CTDSP2: variants seen among roughly 807,000 people sequenced by gnomAD.
CTDSP2 encodes carboxy-terminal domain RNA polymerase II polypeptide A small phosphatase 2.
Under a neutral mutation model 31.6 loss-of-function variants are expected in CTDSP2, and 9 were observed. That is an observed-to-expected ratio of 0.28 (90% CI 0.17 to 0.50). CTDSP2 has a LOEUF of 0.50. Ranked by LOEUF, CTDSP2 falls within the 20% of genes least tolerant of loss-of-function variation. The pLI, the probability that CTDSP2 is intolerant of heterozygous loss-of-function variation, is 0.98. For missense variants in CTDSP2, 267 were observed against 348.5 expected (o/e 0.77, Z 1.86); for synonymous variants, 134 against 134.5 (o/e 1.00, Z 0.03).
chr12:57,839,506 CAGG>C (rs1432510340), intron 1 of CTDSP2, among the ~76,000 whole-genome samples: 1 of 152,152 alleles, frequency 6.6e-6, no homozygotes, highest in African/African-American at 2.4e-5. Flanking sequence ...ATCATGAGGT[CAGG>C]AGATCAAGAC....
At chr12:57,823,786 C>T in intron 7 of CTDSP2, 59 bp from the exon 8 acceptor site, 2 of 1,611,722 alleles carry the variant, frequency 1.2e-6, no homozygotes, top group South Asian at 2.2e-5. Flanking sequence ...TCCCTCGCCC[C>T]AGAGCCCTAG....
Position 57,832,790 on chromosome 12 carries a change from TAAAAAAAAAAAAAA to T in CTDSP2, c.65-3208_65-3195del, listed in dbSNP as rs61390174. Among the ~76,000 whole-genome samples, 10 of 44,898 alleles carry T rather than the reference TAAAAAAAAAAAAAA, an allele frequency of 2.2e-4. No individual in the cohort carries two copies. In the East Asian group the frequency reaches 4.6e-3, roughly 21 times the overall value. The allele number at this position is 44,898 out of a possible 152,430, so 29.5% of individuals were successfully genotyped here. On this transcript the variant is annotated intron_variant, in intron 1 of 7. Coordinates refer to ENST00000398073, the MANE Select transcript of CTDSP2 (RefSeq NM_005730.4). ...CTGGGCAACAGAGCGAGACTCTGGC[TAAAAAAAAAAAAAA>T]AAAAAAAAAAAAAAGGAAAAGAAAA... is the stretch of plus-strand genomic sequence containing the variant.
At position 57,823,408 on chromosome 12, in the gene CTDSP2, G is replaced by A; in HGVS notation, c.*194C>T. On this transcript the variant is annotated 3_prime_UTR_variant, in exon 8 of 8. Transcript: ENST00000398073. ...ACACATCTCAACAAGTTGGCGGCAG[G>A]TAGCTCTGGGTATCATTGGTCTGGC... is the stretch of plus-strand genomic sequence containing the variant. The A allele has an allele frequency of 1.6e-6, 1 of 612,794 alleles. No individual in the cohort carries two copies. The highest frequency in any genetic ancestry group is 2.9e-6 in the Non-Finnish European group (1 of 349,918). The allele number at this position is 612,794 out of a possible 1,614,324, so 38.0% of individuals were successfully genotyped here. A position where few individuals can be genotyped will look rare whatever the true frequency, so the allele number is the denominator to read the frequency against.
rs1956140405 is a variant in CTDSP2, at chr12:57,820,828, A to C, written c.*2774T>G. ...AGCTCCCCCTATGAGAGGGACACGA[A>C]CATCAGGCTTTTGATTTAGAAGCCC... On this transcript the variant is annotated 3_prime_UTR_variant, in exon 8 of 8. Coordinates refer to ENST00000398073, the MANE Select transcript of CTDSP2 (RefSeq NM_005730.4). The C allele has an allele frequency of 6.6e-6, 1 of 152,242 alleles. No individual in the cohort carries two copies. Among genetic ancestry groups the C allele is most frequent in the South Asian group, 2.1e-4 (1 of 4,836 alleles). The allele number at this position is 152,242 out of a possible 1,614,324, so 9.4% of individuals were successfully genotyped here. A position where few individuals can be genotyped will look rare whatever the true frequency, so the allele number is the denominator to read the frequency against.
intron 1 of CTDSP2, among the ~76,000 whole-genome samples, chr12:57,841,039 A>G (rs1489265102): frequency 6.6e-6 from 1 of 152,226 alleles, no homozygotes; most frequent in Non-Finnish European, 1.5e-5. Flanking sequence ...TAAGTCGTCA[A>G]CTTATCCACT....
At position 57,823,450 on chromosome 12, in the gene CTDSP2, T is replaced by C; in HGVS notation, c.*152A>G. ...TGGTCTGGCATTCGCCCACTCGGCA[T>C]CTAAGCTGTCCTAAAGCTCTTTCCA... is the stretch of plus-strand genomic sequence containing the variant. On this transcript the variant is annotated 3_prime_UTR_variant, in exon 8 of 8. Coordinates refer to ENST00000398073, the MANE Select transcript of CTDSP2 (RefSeq NM_005730.4). The C allele has an allele frequency of 5.9e-6, 5 of 854,288 alleles. No homozygotes were observed. The highest frequency in any genetic ancestry group is 8.9e-6 in the Non-Finnish European group (5 of 561,160). The allele number at this position is 854,288 out of a possible 1,614,324, so 52.9% of individuals were successfully genotyped here. A position where few individuals can be genotyped will look rare whatever the true frequency, so the allele number is the denominator to read the frequency against.
chr12:57,831,730 CTGTCTT>C (rs1196993115), intron 1 of CTDSP2, among the ~76,000 whole-genome samples: 3 of 152,212 alleles, frequency 2.0e-5, no homozygotes, highest in Non-Finnish European at 4.4e-5. Flanking sequence ...GGAAATGCCT[CTGTCTT>C]TGTGGGGAAA....
rs1257718825 is a variant in CTDSP2 at position 57,832,948 on chromosome 12, G to A, written c.65-3352C>T. 1.3e-5 allele frequency among the ~76,000 whole-genome samples: 2 copies of A among 152,048 alleles called. 1 individual carries two copies. The highest frequency in any genetic ancestry group is 3.8e-4 in the East Asian group (2 of 5,198). On this transcript the variant is annotated intron_variant, in intron 1 of 7. Transcript: ENST00000398073. The stretch of plus-strand genomic sequence containing the variant: ...CTGCATGGCTCACATTAAATTCTAA[G>A]CTCAGGGACTCAGGACAGACGCTGA...
intron 3 of CTDSP2, 193 bp downstream of exon 3, chr12:57,827,359 A>G (rs1255684124): frequency 3.0e-6 from 2 of 656,226 alleles, no homozygotes; most frequent in Non-Finnish European, 5.4e-6. Context: ...GAGGGCATGG[A>G]GCACCAGCTG....
At chr12:57,829,785 G>C (rs1190109682) in intron 1 of CTDSP2, among the ~76,000 whole-genome samples, 189 bp from the exon 2 acceptor site, 1 of 152,152 alleles carries the variant, frequency 6.6e-6, no homozygotes, top group East Asian at 1.9e-4. Flanking sequence ...TTTAAAGCAG[G>C]AATGTCAGGA....
chr12:57,841,030 A>G (rs879391863), intron 1 of CTDSP2, among the ~76,000 whole-genome samples: 2 of 152,218 alleles, frequency 1.3e-5, no homozygotes, highest in Admixed American at 6.5e-5. Flanking sequence ...TTCCAGTTTT[A>G]AGTCGTCAAC....
At chr12:57,835,499 G>T (rs559725917) in intron 1 of CTDSP2, among the ~76,000 whole-genome samples, 1 of 152,282 alleles carries the variant, frequency 6.6e-6, no homozygotes, top group African/African-American at 2.4e-5. Context: ...AACCAGGGAG[G>T]GCAGGACTCC....
chr12:57,841,538 GC>G (rs1956282497), intron 1 of CTDSP2, among the ~76,000 whole-genome samples: 1 of 152,186 alleles, frequency 6.6e-6, no homozygotes, highest in South Asian at 2.1e-4. Context: ...ACCCCCAGAT[GC>G]CCAGGCACCA....
At position 57,823,363 on chromosome 12, in the gene CTDSP2, ACACT is replaced by A; in HGVS notation, c.*235_*238del. ...CATGGCAAAACACACACACAAACAC[ACACT>A]CTCTCACAGTCAAACACACATCTCA... On this transcript the variant is annotated 3_prime_UTR_variant, in exon 8 of 8. Coordinates refer to ENST00000398073, the MANE Select transcript of CTDSP2 (RefSeq NM_005730.4). 2 of 551,392 alleles carry A rather than the reference ACACT, an allele frequency of 3.6e-6. No homozygotes were observed. The highest frequency in any genetic ancestry group is 6.5e-6 in the Non-Finnish European group (2 of 305,988). The allele number at this position is 551,392 out of a possible 1,614,324, so 34.2% of individuals were successfully genotyped here.
At chr12:57,824,874 C>A (rs1956173251) in intron 5 of CTDSP2, among the ~76,000 whole-genome samples, 1 of 152,208 alleles carries the variant, frequency 6.6e-6, no homozygotes, top group Non-Finnish European at 1.5e-5. Context: ...CCACTAACAC[C>A]TTTGTCCACC....
At chr12:57,835,086 G>A (rs1371847839) in intron 1 of CTDSP2, among the ~76,000 whole-genome samples, 1 of 148,366 alleles carries the variant, frequency 6.7e-6, no homozygotes, top group Non-Finnish European at 1.5e-5. Context: ...TCATGCCATT[G>A]CACTCCAGCC....
chr12:57,821,130 G>A lies in CTDSP2; in HGVS notation c.*2472C>T, dbSNP rs1290213494. On this transcript the variant is annotated 3_prime_UTR_variant, in exon 8 of 8. Coordinates refer to ENST00000398073, the MANE Select transcript of CTDSP2 (RefSeq NM_005730.4). ...CAATCATCCCTCACCCTAACACACG[G>A]TGAAACTGGAAACCCGACAGCAAAT... The A allele has an allele frequency of 6.6e-6, 1 of 152,172 alleles. No homozygotes were observed. The highest frequency in any genetic ancestry group is 1.5e-5 in the Non-Finnish European group (1 of 68,074). The allele number at this position is 152,172 out of a possible 1,614,324, so 9.4% of individuals were successfully genotyped here. A position where few individuals can be genotyped will look rare whatever the true frequency, so the allele number is the denominator to read the frequency against.
intron 1 of CTDSP2, among the ~76,000 whole-genome samples, chr12:57,844,243 G>A: frequency 6.6e-6 from 1 of 152,114 alleles, no homozygotes; most frequent in East Asian, 1.9e-4. Flanking sequence ...GTGGCTGCTG[G>A]CTTAAACCAC....
intron 5 of CTDSP2, chr12:57,824,598 G>A (rs375217621): frequency 3.7e-5 from 23 of 622,774 alleles, no homozygotes; most frequent in South Asian, 2.9e-4. Context: ...TGTTTCCGGC[G>A]GCGGACCATC....
Sources: allele counts gnomAD v4.1 joint callset (sites outside exome capture counted in the v4.1 genomes callset), GRCh38; gene constraint gnomAD v4.1.1; transcripts MANE v1.5; gene names NCBI Gene and HGNC (gene_info 2026-07-23, HGNC 2026-07-21).